DLGAP2: variants seen among roughly 807,000 people sequenced by gnomAD.
The protein encoded by DLGAP2 is DLG associated protein 2.
Under a neutral mutation model 100.3 loss-of-function variants are expected in DLGAP2, and 26 were observed. That is an observed-to-expected ratio of 0.26 (90% confidence interval 0.19 to 0.36). The LOEUF is 0.36. Ranked by LOEUF, DLGAP2 falls within the 10% of genes least tolerant of loss-of-function variation. DLGAP2 has a pLI of 1.00. For synonymous variants in DLGAP2, 886 were observed against 630.1 expected (o/e 1.41, Z -6.08); for missense variants, 1,858 against 1,453.2 (o/e 1.28, Z -4.53).
At position 1,548,603 on chromosome 8, in the gene DLGAP2, A is replaced by T. The variant is rs761099432; in HGVS notation, c.173-23A>T. ...TTTCCGCCGCGCTTCCGGGTGTTCA[A>T]TGCCGTTTCTGTTTCCCCACAGACC... On this transcript the variant is annotated intron_variant, in intron 4 of 14. Coordinates refer to ENST00000637795, the MANE Select transcript of DLGAP2 (RefSeq NM_001346810.2). 4.8e-6 allele frequency: 7 copies of T among 1,468,862 alleles called. No homozygotes were observed. In the South Asian group the frequency reaches 5.5e-5, roughly 11 times the overall value. The allele number at this position is 1,468,862 out of a possible 1,614,324, so 91.0% of individuals were successfully genotyped here.
At position 1,591,544 on chromosome 8, in the gene DLGAP2, C is replaced by G. The variant is rs1796290913; in HGVS notation, c.1442+25650C>G. ...TCCTGCCTAACCCCCTCCTCCCACT[C>G]CACCTCCACTGTTCACCCCTGCAGC... On this transcript the variant is annotated intron_variant, in intron 6 of 14. Transcript: ENST00000637795. Among the ~76,000 whole-genome samples the G allele has an allele frequency of 1.3e-5, 2 of 151,590 alleles. 1 individual carries two copies.
intron 3 of DLGAP2, among the ~76,000 whole-genome samples, chr8:1,420,216 G>C (rs1797051070): frequency 2.6e-5 from 4 of 152,120 alleles, no homozygotes; most frequent in Non-Finnish European, 5.9e-5. Flanking sequence ...TTGAGTCTCT[G>C]CATCAGCGTA....
At chr8:1,463,299 C>G (rs1172216032) in intron 3 of DLGAP2, among the ~76,000 whole-genome samples, 1 of 152,148 alleles carries the variant, frequency 6.6e-6, no homozygotes, top group Non-Finnish European at 1.5e-5. Context: ...ACAAGCGGCC[C>G]CAGCGTTTGT....
At position 811,302 on chromosome 8, in the gene DLGAP2, G is replaced by T. The variant is rs573263735; in HGVS notation, c.18+73477G>T. 2.6e-4 allele frequency among the ~76,000 whole-genome samples: 40 copies of T among 152,394 alleles called. 1 individual carries two copies. The highest frequency in any genetic ancestry group is 9.1e-4 in the African/African-American group (38 of 41,602). On this transcript the variant is annotated intron_variant, in intron 1 of 14. Coordinates refer to ENST00000637795, the MANE Select transcript of DLGAP2 (RefSeq NM_001346810.2). ...GGGAATGAGCAGGAACTATCTGGGG[G>T]CCCTGCCAGGGCTCCTGCCGTGGTG... is the stretch of plus-strand genomic sequence containing the variant.
chr8:1,259,214 C>T (rs1436944032), intron 3 of DLGAP2, among the ~76,000 whole-genome samples: 1 of 152,170 alleles, frequency 6.6e-6, no homozygotes, highest in East Asian at 1.9e-4. Context: ...AGTGCATTCG[C>T]CCAAGGTGCC....
chr8:1,657,544 C>T (rs554315942), intron 8 of DLGAP2, among the ~76,000 whole-genome samples: 20 of 152,308 alleles, frequency 1.3e-4, no homozygotes, highest in African/African-American at 4.1e-4. Flanking sequence ...ATTTTGAATT[C>T]TTTCTTTACT....
chr8:1,268,398 A>C (rs1465233482), intron 3 of DLGAP2, among the ~76,000 whole-genome samples: 3 of 152,244 alleles, frequency 2.0e-5, no homozygotes, highest in Non-Finnish European at 4.4e-5. Flanking sequence ...AATTATTCTC[A>C]GTAATTCATA....
rs1797345792 is a variant in DLGAP2 at position 1,180,020 on chromosome 8, A to G, written c.74-78831A>G. ...TATACTAGCCAGTTAAAGTGAACAC[A>G]TAATTTTTTTATTTGAATGGAGAAG... On this transcript the variant is annotated intron_variant, in intron 2 of 14. Coordinates refer to ENST00000637795, the MANE Select transcript of DLGAP2 (RefSeq NM_001346810.2). 3.9e-5 allele frequency among the ~76,000 whole-genome samples: 6 copies of G among 152,376 alleles called. No homozygotes were observed. The South Asian group carries it at 1.2e-3, about 32-fold the overall frequency.
chr8:1,189,649 T>C (rs1242765894), intron 2 of DLGAP2, among the ~76,000 whole-genome samples: 1 of 152,222 alleles, frequency 6.6e-6, no homozygotes, highest in Non-Finnish European at 1.5e-5. Flanking sequence ...TCCCCATGCC[T>C]GGAAACGGGA....
intron 2 of DLGAP2, among the ~76,000 whole-genome samples, chr8:1,039,622 G>T (rs74743701): frequency 4.4e-4 from 23 of 52,222 alleles, no homozygotes; most frequent in African/African-American, 6.7e-4. Context: ...TCAGCTCGGT[G>T]TGCGTGGTCA....
intron 2 of DLGAP2, among the ~76,000 whole-genome samples, chr8:1,207,993 A>G (rs1798030073): frequency 6.6e-6 from 1 of 151,516 alleles, no homozygotes. Flanking sequence ...TAGTTTTTGA[A>G]GATTTTCTCC....
At chr8:822,188 G>A (rs1796596110) in intron 1 of DLGAP2, 1 of 399,526 alleles carries the variant, frequency 2.5e-6, no homozygotes. Flanking sequence ...AATGGGGACT[G>A]CTCAGGTACA....
At chr8:1,651,624 C>T (rs1585033599) in intron 8 of DLGAP2, among the ~76,000 whole-genome samples, 1 of 152,176 alleles carries the variant, frequency 6.6e-6, no homozygotes, top group Non-Finnish European at 1.5e-5. Flanking sequence ...TCCTGCCTGG[C>T]CCACAGCTCC....
intron 3 of DLGAP2, among the ~76,000 whole-genome samples, chr8:1,303,654 C>A (rs879734255): frequency 2.0e-5 from 3 of 152,122 alleles, no homozygotes; most frequent in Non-Finnish European, 2.9e-5. Flanking sequence ...CTCCTAACTC[C>A]CCAACACTCA....
chr8:1,163,650 C>A (rs940798812), intron 2 of DLGAP2, among the ~76,000 whole-genome samples: 1 of 152,108 alleles, frequency 6.6e-6, no homozygotes, highest in African/African-American at 2.4e-5. Context: ...CAGGCGGCCG[C>A]CTGGGGAGGG....
At chr8:1,281,411 C>G (rs1563058893) in intron 3 of DLGAP2, among the ~76,000 whole-genome samples, 1 of 152,190 alleles carries the variant, frequency 6.6e-6, no homozygotes, top group African/African-American at 2.4e-5. Context: ...CCCCCAGTGG[C>G]TTACAGCTCA....
chr8:1,548,933 C>T lies in DLGAP2; in HGVS notation c.480C>T (p.Thr160=), dbSNP rs200199242. Residue 160 remains threonine (T), a synonymous_variant, in exon 5 of 15, where the codon ACC becomes ACT. Coordinates refer to ENST00000637795, the MANE Select transcript of DLGAP2 (RefSeq NM_001346810.2). Reference sequence around the variant, plus strand: ...TGGGCGACCACGTGTCCAGCAGCACCTTCCCGCGGATGCACTACAGCTCGC... The same window carrying T: ...TGGGCGACCACGTGTCCAGCAGCACTTTCCCGCGGATGCACTACAGCTCGC... ...VVLGDHVSSS[T]FPRMHYSSHY... 16 of 1,598,524 alleles carry T rather than the reference C, an allele frequency of 1.0e-5. No individual in the cohort carries two copies. The Admixed American group carries it at 1.2e-4, about 12-fold the overall frequency.
intron 3 of DLGAP2, among the ~76,000 whole-genome samples, chr8:1,335,668 G>C (rs137989813): frequency 6.6e-6 from 1 of 152,294 alleles, no homozygotes; most frequent in Non-Finnish European, 1.5e-5. Context: ...TGGAGGAAAA[G>C]TCGAGAGCAA....
intron 1 of DLGAP2, among the ~76,000 whole-genome samples, chr8:865,431 A>C (rs1021689415): frequency 3.9e-5 from 6 of 152,184 alleles, no homozygotes; most frequent in African/African-American, 1.4e-4. Flanking sequence ...TTGCGGCGTC[A>C]GGTCTACTTG....
Sources: gnomAD v4.1 joint callset for allele counts (sites outside exome capture counted in the v4.1 genomes callset) on GRCh38, gnomAD v4.1.1 for gene constraint, MANE v1.5 for transcripts, NCBI Gene and HGNC (gene_info 2026-07-23, HGNC 2026-07-21) for gene names.